EPHA6: variants seen among roughly 807,000 people sequenced by gnomAD.
EPHA6 encodes ephrin type-A receptor 6.
Under a neutral mutation model 112.0 loss-of-function variants are expected in EPHA6, and 50 were observed. The observed-to-expected ratio is 0.45, with a 90% CI of 0.36 to 0.56. EPHA6 has a LOEUF of 0.56. EPHA6 is among the 20% of genes least tolerant of loss of function. The pLI is 0.00. For synonymous variants in EPHA6, 529 were observed against 490.7 expected, an observed-to-expected ratio of 1.08 and a Z score of -1.03; for missense variants, 1,280 against 1,417.4, an observed-to-expected ratio of 0.90 and a Z score of 1.56.
chr3:97,148,390 T>A (rs957090617), intron 3 of EPHA6, among the ~76,000 whole-genome samples: 1 of 152,086 alleles, frequency 6.6e-6, no homozygotes, highest in Admixed American at 6.6e-5. Context: ...GGAGGATCAT[T>A]AAGCCCGGGA....
chr3:97,272,778 C>T (rs1262198665), intron 5 of EPHA6, among the ~76,000 whole-genome samples: 1 of 152,192 alleles, frequency 6.6e-6, no homozygotes, highest in South Asian at 2.1e-4. Flanking sequence ...GGAATGTCAT[C>T]AGTTAAGGCA....
intron 9 of EPHA6, among the ~76,000 whole-genome samples, chr3:97,483,018 C>T (rs528608360): frequency 1.4e-4 from 21 of 152,104 alleles, no homozygotes; most frequent in South Asian, 1.2e-3. Flanking sequence ...CTCAGGAGGC[C>T]GAGGCAGGAG....
chr3:97,511,783 G>T (rs1279358479), intron 10 of EPHA6, among the ~76,000 whole-genome samples: 1 of 152,028 alleles, frequency 6.6e-6, no homozygotes, highest in Admixed American at 6.6e-5. Context: ...AAAACCAAAA[G>T]AAGTGAAGAA....
At chr3:97,705,333 C>A (rs1182411634) in intron 14 of EPHA6, among the ~76,000 whole-genome samples, 1 of 152,124 alleles carries the variant, frequency 6.6e-6, no homozygotes, top group Non-Finnish European at 1.5e-5. Flanking sequence ...AAGGTTCCAG[C>A]CTAGTCTTCA....
At chr3:97,365,803 CT>C (rs2084693152) in intron 5 of EPHA6, among the ~76,000 whole-genome samples, 1 of 152,038 alleles carries the variant, frequency 6.6e-6, no homozygotes, top group African/African-American at 2.4e-5. Context: ...TGAAAGGTAA[CT>C]TTAGGTTTGT....
chr3:97,338,968 T>G (rs2083183915), intron 5 of EPHA6, among the ~76,000 whole-genome samples: 1 of 152,232 alleles, frequency 6.6e-6, no homozygotes, highest in African/African-American at 2.4e-5. Context: ...CAATCTCTAC[T>G]ACTATATTGG....
At chr3:97,177,952 G>T (rs2076883169) in intron 3 of EPHA6, among the ~76,000 whole-genome samples, 1 of 151,922 alleles carries the variant, frequency 6.6e-6, no homozygotes, top group South Asian at 2.1e-4. Context: ...TACATTCAAT[G>T]TTATTATTGA....
intron 3 of EPHA6, among the ~76,000 whole-genome samples, chr3:97,111,502 G>A (rs1457820389): frequency 6.6e-6 from 1 of 151,970 alleles, no homozygotes; most frequent in Non-Finnish European, 1.5e-5. Flanking sequence ...TAAATTGGAA[G>A]GAAGGAAAAA....
intron 6 of EPHA6, among the ~76,000 whole-genome samples, chr3:97,412,483 A>T (rs1262687124): frequency 1.3e-5 from 2 of 152,046 alleles, no homozygotes; most frequent in Admixed American, 1.3e-4. Context: ...GGTTGGAATA[A>T]ATAATCTAAG....
At chr3:97,072,883 G>C (rs1192546874) in intron 3 of EPHA6, among the ~76,000 whole-genome samples, 1 of 152,066 alleles carries the variant, frequency 6.6e-6, no homozygotes, top group Non-Finnish European at 1.5e-5. Flanking sequence ...CATTGGGATA[G>C]TACCAGTCAG....
At chr3:96,851,209 A>G (rs1452578272) in intron 1 of EPHA6, among the ~76,000 whole-genome samples, 1 of 152,174 alleles carries the variant, frequency 6.6e-6, no homozygotes, top group Admixed American at 6.6e-5. Context: ...AGGGTTCCCT[A>G]TTCCTCATCT....
rs536554158 is a variant in EPHA6, at chr3:97,753,101, C to T, written c.*4400C>T. 1.3e-5 allele frequency among the ~76,000 whole-genome samples: 2 copies of T among 152,088 alleles called. No homozygotes were observed. The highest frequency in any genetic ancestry group is 3.8e-4 in the East Asian group (2 of 5,200). On this transcript the variant is annotated 3_prime_UTR_variant, in exon 18 of 18. Transcript: ENST00000389672. ...CCTAACTTTTGGTTTTTATAAGCAA[C>T]ATTTTCAACAATTTTTCAATCTTTA...
Position 97,226,244 on chromosome 3 carries a change from G to GT in EPHA6, c.1115-13dup, listed in dbSNP as rs562132068. On this transcript the variant is annotated intron_variant, in intron 3 of 17. Transcript: ENST00000389672. Reference sequence around the variant, plus strand: ...TCCTAGCAATAATAACTAAAAAAGTGTTTTTTTCTCTTTTTACAGCTTGCA... The same window carrying GT: ...TCCTAGCAATAATAACTAAAAAAGTGTTTTTTTTCTCTTTTTACAGCTTGCA... The GT allele has an allele frequency of 4.2e-4, 667 of 1,578,692 alleles. 1 individual carries two copies. In the African/African-American group the frequency reaches 7.7e-3, roughly 18 times the overall value.
intron 3 of EPHA6, among the ~76,000 whole-genome samples, chr3:97,042,322 T>C (rs1576376610): frequency 6.6e-6 from 1 of 152,186 alleles, no homozygotes; most frequent in South Asian, 2.1e-4. Flanking sequence ...CTGCTTCCCC[T>C]GCACCTTCCA....
chr3:97,512,912 T>G (rs1261586126), intron 10 of EPHA6, among the ~76,000 whole-genome samples: 1 of 152,154 alleles, frequency 6.6e-6, no homozygotes, highest in Non-Finnish European at 1.5e-5. Flanking sequence ...AATGTCTTTT[T>G]TTTGCTAGTG....
At chr3:97,326,274 T>A (rs146315606) in intron 5 of EPHA6, among the ~76,000 whole-genome samples, 56 of 152,092 alleles carry the variant, frequency 3.7e-4, no homozygotes, top group African/African-American at 1.3e-3. Context: ...AGTTTTAATG[T>A]ACAGATAGAC....
chr3:97,106,319 T>G (rs761104098), intron 3 of EPHA6, among the ~76,000 whole-genome samples: 13 of 152,098 alleles, frequency 8.5e-5, no homozygotes, highest in Non-Finnish European at 1.3e-4. Context: ...ATTCAACTTT[T>G]TTTTTCTATG....
chr3:97,692,919 G>A (rs1238014272), intron 14 of EPHA6, among the ~76,000 whole-genome samples: 3 of 152,276 alleles, frequency 2.0e-5, no homozygotes, highest in South Asian at 2.1e-4. Flanking sequence ...GAATTAAGGA[G>A]AGCATTATGA....
intron 5 of EPHA6, among the ~76,000 whole-genome samples, chr3:97,364,177 A>G (rs797020132): frequency 1.3e-5 from 2 of 152,092 alleles, no homozygotes; most frequent in South Asian, 4.1e-4. Flanking sequence ...TTTATATTTT[A>G]CCATGAAAAA....
Sources: gnomAD v4.1 joint callset for allele counts (sites outside exome capture counted in the v4.1 genomes callset) on GRCh38, gnomAD v4.1.1 for gene constraint, MANE v1.5 for transcripts, NCBI Gene and HGNC (gene_info 2026-07-23, HGNC 2026-07-21) for gene names.